The following FZD6 variants were observed in gnomAD, a reference collection of about 807,000 sequenced individuals.
FZD6 encodes frizzled-6.
A neutral mutation model predicts 61.4 loss-of-function variants in FZD6; 49 were observed. The ratio of observed to expected loss-of-function variants is 0.80; its 90% confidence interval spans 0.63 to 1.01. FZD6 has a LOEUF of 1.01. FZD6 is among the 50% of genes least tolerant of loss of function. FZD6 has a pLI of 0.00. For synonymous variants in FZD6, 265 were observed against 292.2 expected (o/e 0.91, Z 0.95); for missense variants, 724 against 848.2 (o/e 0.85, Z 1.82).
intron 6 of FZD6, among the ~76,000 whole-genome samples, chr8:103,330,809 C>T (rs1815098376): frequency 6.6e-6 from 1 of 152,192 alleles, no homozygotes. Context: ...CTATTCCCCA[C>T]AAGATTCCAT....
In FZD6 at chr8:103,325,468, T is replaced by C. The variant is rs764886770; in HGVS notation, c.1362T>C (p.Cys454=). The C allele has an allele frequency of 1.9e-5, 31 of 1,613,338 alleles. No homozygotes were observed. Among genetic ancestry groups the C allele is most frequent in the Non-Finnish European group, 2.4e-5 (28 of 1,179,246 alleles). Residue 454 remains cysteine (C), a synonymous_variant, in exon 4 of 7, where the codon TGT becomes TGC. Transcript: ENST00000358755. ...TWEITWVSDH[C]RQYHIPCPYQ... ...AGATAACTTGGGTCTCTGATCATTG[T>C]CGTCAGTACCATATCCCATGTCCTT...
chr8:103,325,836 T>C (rs1429378672), intron 4 of FZD6, among the ~76,000 whole-genome samples: 1 of 152,194 alleles, frequency 6.6e-6, no homozygotes, highest in African/African-American at 2.4e-5. Context: ...TTGGCAATTA[T>C]TTTTAATTTT....
At chr8:103,328,651 A>G (rs1444130613) in intron 5 of FZD6, among the ~76,000 whole-genome samples, 1 of 151,970 alleles carries the variant, frequency 6.6e-6, no homozygotes, top group African/African-American at 2.4e-5. Context: ...GACATATACT[A>G]TTCTATTTGA....
At chr8:103,302,912 C>A (rs1814213729) in intron 2 of FZD6, among the ~76,000 whole-genome samples, 1 of 152,102 alleles carries the variant, frequency 6.6e-6, no homozygotes, top group Admixed American at 6.5e-5. Flanking sequence ...GAGCTATGAT[C>A]GTTCCACTGC....
Position 103,313,928 on chromosome 8 carries a change from A to G in FZD6, c.178-4662A>G, listed in dbSNP as rs147603124. ...AAAAATGGATATACCTGACAATTCT[A>G]TGCCCCCATTTCCAAATAATAGTCT... On this transcript the variant is annotated intron_variant, in intron 2 of 6. Coordinates refer to ENST00000358755, the MANE Select transcript of FZD6 (RefSeq NM_003506.4). Among the ~76,000 whole-genome samples, 104 of 152,242 alleles carry G rather than the reference A, an allele frequency of 6.8e-4. 3 individuals are homozygous for G. In the East Asian group the frequency reaches 0.018, roughly 26 times the overall value.
intron 3 of FZD6, among the ~76,000 whole-genome samples, chr8:103,319,944 T>C (rs1563690530): frequency 6.6e-6 from 1 of 152,016 alleles, no homozygotes; most frequent in Non-Finnish European, 1.5e-5. Context: ...TTTTAAGAAC[T>C]ACTAGGAAAA....
intron 4 of FZD6, among the ~76,000 whole-genome samples, chr8:103,327,559 G>A (rs10808383): frequency 0.43 from 65,082 of 151,928 alleles, 14,564 homozygotes; most frequent in East Asian, 0.63. Flanking sequence ...TCACGCCACT[G>A]CACTCCAGCC....
intron 2 of FZD6, among the ~76,000 whole-genome samples, chr8:103,309,892 AAC>A (rs750309439): frequency 3.3e-5 from 5 of 152,212 alleles, no homozygotes; most frequent in Non-Finnish European, 5.9e-5. Context: ...AATATAAATT[AAC>A]AGTCTTACAA....
rs1404869083 is a variant in FZD6 at position 103,325,569 on chromosome 8, G to A, written c.1392+71G>A. 64 of 1,249,812 alleles carry A rather than the reference G, an allele frequency of 5.1e-5. 1 individual carries two copies. The highest frequency in any genetic ancestry group is 7.5e-5 in the Non-Finnish European group (64 of 852,994). 77.4% of individuals were successfully genotyped at this position (1,249,812 alleles called of 1,614,324 possible). On this transcript the variant is annotated intron_variant, in intron 4 of 6. Transcript: ENST00000358755. The stretch of plus-strand genomic sequence containing the variant: ...GAAAATGTTTCATGGAAATATACTT[G>A]TCATGGATGTAAAAGTTGATTTCAG...
At chr8:103,298,733 G>T, upstream of FZD6, 1 of 149,334 alleles carries the variant, frequency 6.7e-6, no homozygotes. Flanking sequence ...GAGTGAGGCC[G>T]GGCGGCGCAG....
chr8:103,330,061 G>A lies in FZD6; in HGVS notation c.1948G>A (p.Gly650Arg). The change falls in exon 6 of 7, where the codon GGA becomes AGA. Residue 650 changes from glycine to arginine, a missense_variant. Coordinates refer to ENST00000358755, the MANE Select transcript of FZD6 (RefSeq NM_003506.4). The part of the protein sequence containing the change: ...GSVSESARSE[G>R]RISPKSDITD... Reference sequence around the variant, plus strand: ...TGTATCTGAAAGTGCGCGGAGTGAAGGAAGGTGAGATTTGATTTTATGTAA... The same window carrying A: ...TGTATCTGAAAGTGCGCGGAGTGAAAGAAGGTGAGATTTGATTTTATGTAA... The A allele has an allele frequency of 6.2e-7, 1 of 1,613,214 alleles. No homozygotes were observed. Among genetic ancestry groups the A allele is most frequent in the Non-Finnish European group, 8.5e-7 (1 of 1,179,164 alleles).
chr8:103,327,973 G>T (rs1264364011), intron 4 of FZD6, among the ~76,000 whole-genome samples: 1 of 152,036 alleles, frequency 6.6e-6, no homozygotes, highest in African/African-American at 2.4e-5. Flanking sequence ...ATTATAAGAG[G>T]CTACTGTATC....
chr8:103,308,603 G>A (rs1456916556), intron 2 of FZD6, among the ~76,000 whole-genome samples: 1 of 152,134 alleles, frequency 6.6e-6, no homozygotes, highest in African/African-American at 2.4e-5. Context: ...TTTGGTGAGA[G>A]GGAACTCTGC....
intron 2 of FZD6, among the ~76,000 whole-genome samples, chr8:103,302,403 T>G (rs1227264334): frequency 6.6e-6 from 1 of 152,200 alleles, no homozygotes; most frequent in Non-Finnish European, 1.5e-5. Context: ...AGAGAAGTTT[T>G]AATATTTAAA....
chr8:103,323,493 C>T (rs1417220207), intron 3 of FZD6, among the ~76,000 whole-genome samples: 2 of 151,082 alleles, frequency 1.3e-5, no homozygotes, highest in African/African-American at 2.4e-5. Flanking sequence ...TGCAGTGGCT[C>T]GGTCTTGTCT....
At chr8:103,298,622 G>A (rs982508623), upstream of FZD6, 11 of 152,132 alleles carry the variant, frequency 7.2e-5, no homozygotes, top group Non-Finnish European at 1.2e-4. Context: ...TTGCGCCTCG[G>A]GGGTCGTAAC....
intron 4 of FZD6, among the ~76,000 whole-genome samples, chr8:103,327,398 C>T (rs978783120): frequency 1.3e-5 from 2 of 152,150 alleles, no homozygotes; most frequent in African/African-American, 4.8e-5. Context: ...AGTTCAAGAC[C>T]AGCCTGGGCA....
At chr8:103,303,895 G>A (rs969849837) in intron 2 of FZD6, among the ~76,000 whole-genome samples, 9 of 150,564 alleles carry the variant, frequency 6.0e-5, no homozygotes, top group Middle Eastern at 3.2e-3. Context: ...ACTTTTGATC[G>A]GACCGTTGGA....
At chr8:103,317,480 G>A (rs1436601510) in intron 2 of FZD6, among the ~76,000 whole-genome samples, 1 of 152,164 alleles carries the variant, frequency 6.6e-6, no homozygotes, top group Non-Finnish European at 1.5e-5. Context: ...TTTAGTAGTT[G>A]AGGTGAAAGA....
Sources: gnomAD v4.1 joint callset for allele counts (sites outside exome capture counted in the v4.1 genomes callset) on GRCh38, gnomAD v4.1.1 for gene constraint, MANE v1.5 for transcripts, NCBI Gene and HGNC (gene_info 2026-07-23, HGNC 2026-07-21) for gene names.